FAM118A: variants seen among roughly 807,000 people sequenced by gnomAD.
FAM118A encodes SIR2 antiphage like 2, also known as protein FAM118A.
In FAM118A, 25 loss-of-function variants were observed where a neutral mutation model predicts 38.2. That is an observed-to-expected ratio of 0.65 (90% confidence interval 0.48 to 0.91). The LOEUF (loss-of-function observed/expected upper bound fraction) is 0.91. FAM118A is among the 40% of genes least tolerant of loss of function. FAM118A has a pLI of 0.00. For synonymous variants in FAM118A, 178 were observed against 184.1 expected (o/e 0.97, Z 0.27); for missense variants, 425 against 463.3 (o/e 0.92, Z 0.76).
intron 8 of FAM118A, among the ~76,000 whole-genome samples, chr22:45,339,575 C>G (rs2086338877): frequency 6.6e-6 from 1 of 152,136 alleles, no homozygotes; most frequent in Admixed American, 6.5e-5. Context: ...AAACAAAACA[C>G]AAAACTGGTG....
At chr22:45,318,434 G>C (rs2084703907) in intron 1 of FAM118A, 1 of 152,172 alleles carries the variant, frequency 6.6e-6, no homozygotes, top group African/African-American at 2.4e-5. Flanking sequence ...CTGTTTTCTG[G>C]GATCTGATTG....
At chr22:45,330,842 A>C in intron 5 of FAM118A, 111 bp downstream of exon 5, 1 of 1,262,126 alleles carries the variant, frequency 7.9e-7, no homozygotes, top group Non-Finnish European at 1.0e-6. Context: ...CGTGCCCTTC[A>C]GGTCGGCCCT....
In FAM118A at chr22:45,322,409, A is replaced by T. The variant is rs534896723; in HGVS notation, c.30A>T (p.Arg10Ser). Residue 10 changes from arginine (R) to serine (S), a missense_variant, in exon 2 of 9, where the codon AGA becomes AGT. Arg to Ser is a moderately radical substitution (Grantham distance 110). Coordinates refer to ENST00000441876, the MANE Select transcript of FAM118A (RefSeq NM_017911.4). MDSVEKTTNRSEQKSRKFLK... is the reference protein window; with the variant it reads MDSVEKTTNSSEQKSRKFLK... ...ATTCAGTGGAAAAGACAACAAATAG[A>T]AGTGAACAAAAATCCAGGTAATTAA... is the stretch of plus-strand genomic sequence containing the variant. The T allele has an allele frequency of 3.1e-6, 5 of 1,610,638 alleles. No individual in the cohort carries two copies. The South Asian group carries it at 5.6e-5, about 18-fold the overall frequency.
chr22:45,323,603 G>T (rs1233498725), intron 3 of FAM118A, among the ~76,000 whole-genome samples, 176 bp downstream of exon 3: 1 of 152,154 alleles, frequency 6.6e-6, no homozygotes, highest in African/African-American at 2.4e-5. Context: ...AAATTGAGGG[G>T]ATGCCAGCCA....
In FAM118A at chr22:45,332,569, G is replaced by C; in HGVS notation, c.796G>C (p.Glu266Gln). ...DLEHYMLVLK[E>Q]NEDHFFKHQA... is the part of the protein sequence containing the mutation. ...GGAGCACTACATGCTTGTGCTGAAG[G>C]AGAATGAAGACCATTTCTTTAAGCA... The change falls in exon 6 of 9, where the codon GAG becomes CAG. Residue 266 changes from glutamate to glutamine, a missense_variant. Transcript: ENST00000441876. 1 of 1,614,154 alleles carries C rather than the reference G, an allele frequency of 6.2e-7. No individual in the cohort carries two copies. Among genetic ancestry groups the C allele is most frequent in the Non-Finnish European group, 8.5e-7 (1 of 1,180,014 alleles).
chr22:45,325,096 T>C (rs549604064), intron 3 of FAM118A, among the ~76,000 whole-genome samples: 1 of 152,192 alleles, frequency 6.6e-6, no homozygotes, highest in African/African-American at 2.4e-5. Flanking sequence ...TCACCCGTCA[T>C]AGGAAGAAGA....
Position 45,341,605 on chromosome 22 carries a change from C to G in FAM118A, c.*1200C>G, listed in dbSNP as rs1256135937. The stretch of plus-strand genomic sequence containing the variant: ...CCTTCTCAGGTTCACCCACATGAAA[C>G]GGCTGTGCTGAGTGTGCTGCCGGTG... On this transcript the variant is annotated 3_prime_UTR_variant, in exon 9 of 9. Coordinates refer to ENST00000441876, the MANE Select transcript of FAM118A (RefSeq NM_017911.4). The G allele has an allele frequency of 6.6e-6, 1 of 152,246 alleles. No individual in the cohort carries two copies. Among genetic ancestry groups the G allele is most frequent in the Non-Finnish European group, 1.5e-5 (1 of 68,082 alleles). The allele number at this position is 152,246 out of a possible 1,614,324, so 9.4% of individuals were successfully genotyped here.
At chr22:45,315,053 C>T (rs1263330142) in intron 1 of FAM118A, among the ~76,000 whole-genome samples, 1 of 152,198 alleles carries the variant, frequency 6.6e-6, no homozygotes, top group Non-Finnish European at 1.5e-5. Flanking sequence ...AGCATTTTCC[C>T]TTGAATCTCT....
chr22:45,324,343 G>A (rs914241574), intron 3 of FAM118A, among the ~76,000 whole-genome samples: 2 of 152,150 alleles, frequency 1.3e-5, no homozygotes, highest in Admixed American at 6.5e-5. Context: ...AGCTTCCGTC[G>A]GGTGCCCTGC....
chr22:45,330,749 T>G lies in FAM118A; in HGVS notation c.651+18T>G. The stretch of plus-strand genomic sequence containing the variant: ...AAGTCATGGTACGGCCCGTCCTAAT[T>G]AGCATCGGTGCGTCCTCTCAGGGAT... On this transcript the variant is annotated intron_variant, in intron 5 of 8. Transcript: ENST00000441876. The G allele has an allele frequency of 1.3e-6, 2 of 1,526,328 alleles. No homozygotes were observed. Among genetic ancestry groups the G allele is most frequent in the South Asian group, 2.6e-5 (2 of 78,154 alleles). The allele number at this position is 1,526,328 out of a possible 1,614,324, so 94.5% of individuals were successfully genotyped here.
chr22:45,319,708 C>T lies in FAM118A; in HGVS notation c.-9-2663C>T, dbSNP rs35899862. ...TAGATGGTGGAGGGATTATATTATA[C>T]AGCGGAGAAACTCAACTTCTGTTAC... On this transcript the variant is annotated intron_variant, in intron 1 of 8. Coordinates refer to ENST00000441876, the MANE Select transcript of FAM118A (RefSeq NM_017911.4). 8.1e-3 allele frequency among the ~76,000 whole-genome samples: 1,239 copies of T among 152,042 alleles called. 8 individuals carry two copies. Among genetic ancestry groups the T allele is most frequent in the Middle Eastern group, 0.02 (6 of 294 alleles).
intron 3 of FAM118A, among the ~76,000 whole-genome samples, chr22:45,326,725 G>T (rs1278931640): frequency 5.9e-5 from 9 of 151,316 alleles, no homozygotes; most frequent in Non-Finnish European, 1.5e-5. Context: ...AACTTGGGAG[G>T]CTGAGGCAGG....
At chr22:45,325,962 C>T (rs1442355660) in intron 3 of FAM118A, among the ~76,000 whole-genome samples, 4 of 152,036 alleles carry the variant, frequency 2.6e-5, no homozygotes, top group African/African-American at 4.8e-5. Context: ...GGCAGACCCC[C>T]TGGGAACAGT....
chr22:45,311,306 C>T (rs1355758560), intron 1 of FAM118A, among the ~76,000 whole-genome samples: 2 of 152,162 alleles, frequency 1.3e-5, no homozygotes, highest in Non-Finnish European at 2.9e-5. Flanking sequence ...TGGAGCACAC[C>T]TAATGAAGGT....
In FAM118A at chr22:45,323,337, C is replaced by G; in HGVS notation, c.210C>G (p.His70Gln). The G allele has an allele frequency of 6.2e-7, 1 of 1,614,166 alleles. No homozygotes were observed. Among genetic ancestry groups the G allele is most frequent in the Non-Finnish European group, 8.5e-7 (1 of 1,180,030 alleles). Residue 70 changes from histidine to glutamine, a missense_variant, in exon 3 of 9, where the codon CAC becomes CAG. Transcript: ENST00000441876. ...CTGCAGAGCAGCTGGAGGTGCTGCACCCCGGAGACGTCGCCGAGTTCCGGA... is the reference window on the plus strand; with the variant it reads ...CTGCAGAGCAGCTGGAGGTGCTGCAGCCCGGAGACGTCGCCGAGTTCCGGA... ...IEAAEQLEVL[H>Q]PGDVAEFRRK...
chr22:45,335,850 G>A (rs2205660), intron 7 of FAM118A, among the ~76,000 whole-genome samples: 132,335 of 151,976 alleles, frequency 0.87, 57,727 homozygotes, highest in African/African-American at 0.91. Flanking sequence ...TAAATTTAAT[G>A]AGACTCGGTG....
intron 4 of FAM118A, chr22:45,328,654 G>C: frequency 1.7e-6 from 1 of 581,098 alleles, no homozygotes. Flanking sequence ...AGTAATAATG[G>C]AAAGTGGCAC....
In FAM118A at chr22:45,340,602, G is replaced by A. The variant is rs2086414304; in HGVS notation, c.*197G>A. 1.6e-6 allele frequency: 1 copy of A among 630,392 alleles called. No homozygotes were observed. The highest frequency in any genetic ancestry group is 2.9e-5 in the Admixed American group (1 of 34,902). 39.0% of individuals were successfully genotyped at this position (630,392 alleles called of 1,614,324 possible). A position where few individuals can be genotyped will look rare whatever the true frequency, so the allele number is the denominator to read the frequency against. On this transcript the variant is annotated 3_prime_UTR_variant, in exon 9 of 9. Coordinates refer to ENST00000441876, the MANE Select transcript of FAM118A (RefSeq NM_017911.4). Reference sequence around the variant, plus strand: ...TGTGTGTTGAACTATGCAGGAGGGTGACGCGGACACATTTCAGGTGGACTT... The same window carrying A: ...TGTGTGTTGAACTATGCAGGAGGGTAACGCGGACACATTTCAGGTGGACTT...
At chr22:45,330,427 A>T (rs532364722) in intron 4 of FAM118A, 176 bp from the exon 5 acceptor site, 48 of 582,826 alleles carry the variant, frequency 8.2e-5, no homozygotes, top group Middle Eastern at 4.4e-4. Context: ...GGGAATAACT[A>T]GGGCTCACAA....
Sources: gnomAD v4.1 joint callset for allele counts (sites outside exome capture counted in the v4.1 genomes callset) on GRCh38, gnomAD v4.1.1 for gene constraint, MANE v1.5 for transcripts, NCBI Gene and HGNC (gene_info 2026-07-23, HGNC 2026-07-21) for gene names.